Variants in PCDH7 observed in about 807,000 individuals in gnomAD.
PCDH7 encodes the protein protocadherin 7, also known as protocadherin-7.
PCDH7 carries 17 observed loss-of-function variants against 58.9 expected under a neutral mutation model. The ratio of observed to expected loss-of-function variants is 0.29; its 90% CI spans 0.20 to 0.43. The LOEUF (loss-of-function observed/expected upper bound fraction) is 0.43. Ranked by LOEUF, PCDH7 falls within the 20% of genes least tolerant of loss-of-function variation. The pLI, the probability that PCDH7 is intolerant of heterozygous loss-of-function variation, is 1.00. For missense variants in PCDH7, 1,274 were observed against 1,441.0 expected (o/e 0.88, Z 1.88); for synonymous variants, 664 against 616.4 (o/e 1.08, Z -1.14).
chr4:31,042,972 T>A (rs1756005494), intron 3 of PCDH7, among the ~76,000 whole-genome samples: 1 of 152,116 alleles, frequency 6.6e-6, no homozygotes, highest in Non-Finnish European at 1.5e-5. Context: ...TATCACATTC[T>A]GAGGGGCTCA....
At chr4:30,741,486 A>G (rs1717071382) in intron 1 of PCDH7, among the ~76,000 whole-genome samples, 1 of 152,104 alleles carries the variant, frequency 6.6e-6, no homozygotes, top group Non-Finnish European at 1.5e-5. Context: ...GAGCCACTTC[A>G]CCTGGCCAAC....
intron 1 of PCDH7, among the ~76,000 whole-genome samples, chr4:30,894,512 TATATACACACACACACACACAC>T (rs1211434861): frequency 9.9e-5 from 5 of 50,336 alleles, no homozygotes; most frequent in African/African-American, 6.1e-4. Context: ...TATATATATA[TATATACACACACACACACACAC>T]ACACACACAC....
intron 1 of PCDH7, among the ~76,000 whole-genome samples, chr4:30,874,287 A>G (rs575601349): frequency 6.6e-6 from 1 of 152,168 alleles, no homozygotes; most frequent in African/African-American, 2.4e-5. Context: ...AAAGACTTGG[A>G]ACCAACCCAA....
chr4:31,045,604 T>A (rs1423724880), intron 3 of PCDH7, among the ~76,000 whole-genome samples: 2 of 152,034 alleles, frequency 1.3e-5, no homozygotes, highest in African/African-American at 4.8e-5. Flanking sequence ...CAGTTTGGGA[T>A]GGCTACTTGT....
chr4:30,806,429 C>T (rs911990581), intron 1 of PCDH7, among the ~76,000 whole-genome samples: 8 of 152,110 alleles, frequency 5.3e-5, no homozygotes, highest in Admixed American at 2.6e-4. Context: ...CTCAGCCTCC[C>T]GAGCAGCTGG....
intron 3 of PCDH7, among the ~76,000 whole-genome samples, chr4:31,006,131 G>A (rs1752751239): frequency 6.6e-6 from 1 of 152,168 alleles, no homozygotes; most frequent in Non-Finnish European, 1.5e-5. Flanking sequence ...CATGTTTTTA[G>A]AGCCATTAAA....
chr4:30,875,001 A>G (rs1409660823), intron 1 of PCDH7, among the ~76,000 whole-genome samples: 3 of 152,018 alleles, frequency 2.0e-5, no homozygotes, highest in African/African-American at 7.2e-5. Flanking sequence ...TTATTGTTAC[A>G]GTCCTTATTT....
intron 1 of PCDH7, among the ~76,000 whole-genome samples, chr4:30,908,625 A>G (rs1426423620): frequency 1.3e-5 from 2 of 152,184 alleles, no homozygotes; most frequent in East Asian, 3.8e-4. Flanking sequence ...CAAGTTCTGA[A>G]ATTGAGGCAG....
chr4:31,052,174 G>C (rs570548117), intron 3 of PCDH7, among the ~76,000 whole-genome samples: 1 of 152,126 alleles, frequency 6.6e-6, no homozygotes, highest in South Asian at 2.1e-4. Context: ...TGATGTTGGA[G>C]GAAATGATTT....
chr4:30,745,040 A>G (rs1323290225), intron 1 of PCDH7, among the ~76,000 whole-genome samples: 1 of 152,144 alleles, frequency 6.6e-6, no homozygotes, highest in Non-Finnish European at 1.5e-5. Context: ...CATCGAGGAG[A>G]TTGAAAATAG....
chr4:31,095,554 T>A (rs1265396660), intron 3 of PCDH7, among the ~76,000 whole-genome samples: 29 of 152,112 alleles, frequency 1.9e-4, no homozygotes, highest in Non-Finnish European at 1.5e-5. Flanking sequence ...GTATAAAAAA[T>A]TCATTTTTAT....
chr4:30,894,016 A>G (rs954283835), intron 1 of PCDH7, among the ~76,000 whole-genome samples: 2 of 152,146 alleles, frequency 1.3e-5, no homozygotes, highest in African/African-American at 4.8e-5. Context: ...CAGATACTGG[A>G]GAACTGAATG....
chr4:30,733,366 A>C (rs1045287292), downstream of PCDH7, among the ~76,000 whole-genome samples: 1 of 118,646 alleles, frequency 8.4e-6, no homozygotes, highest in African/African-American at 2.7e-5. Context: ...GTACTAAAAG[A>C]ATAATAAGAT....
chr4:31,052,116 T>C (rs1181306072), intron 3 of PCDH7, among the ~76,000 whole-genome samples: 1 of 152,070 alleles, frequency 6.6e-6, no homozygotes, highest in Non-Finnish European at 1.5e-5. Context: ...CCTTTTTTTG[T>C]TGTCTGTTTT....
exon 2 of PCDH7, chr4:30,731,237 C>G: frequency 1.5e-6 from 1 of 686,444 alleles, no homozygotes; most frequent in South Asian, 6.5e-5. Context: ...GCCATGTAAT[C>G]ACAGGCCTGT....
rs140607329 is a variant in PCDH7, at chr4:30,810,704, C to T, written c.70+86108C>T. On this transcript the variant is annotated intron_variant, in intron 1 of 3. Transcript: ENST00000509759. ...TCTGCTCACTGCAACCTCTGCCTCC[C>T]GGTTCAAGCTATTCTCCCACCTCCG... is the stretch of plus-strand genomic sequence containing the variant. 8.4e-4 allele frequency among the ~76,000 whole-genome samples: 128 copies of T among 151,666 alleles called. 2 individuals carry two copies. The East Asian group carries it at 0.021, about 25-fold the overall frequency.
intron 1 of PCDH7, among the ~76,000 whole-genome samples, chr4:30,908,507 A>C (rs1040817329): frequency 5.3e-5 from 8 of 152,094 alleles, no homozygotes; most frequent in Non-Finnish European, 8.8e-5. Context: ...GTCACACAAC[A>C]AAGATTAAAT....
chr4:30,887,278 T>C (rs959393427), intron 1 of PCDH7, among the ~76,000 whole-genome samples: 3 of 152,188 alleles, frequency 2.0e-5, no homozygotes, highest in Non-Finnish European at 4.4e-5. Flanking sequence ...TTCTTTCAAC[T>C]TGAATTCTTA....
At chr4:31,139,491 A>G (rs989522637) in intron 3 of PCDH7, among the ~76,000 whole-genome samples, 2 of 152,224 alleles carry the variant, frequency 1.3e-5, no homozygotes, top group African/African-American at 4.8e-5. Flanking sequence ...CTATAATGCC[A>G]CAAAAAAATA....
Sources: gnomAD v4.1 joint callset for allele counts (sites outside exome capture counted in the v4.1 genomes callset) on GRCh38, gnomAD v4.1.1 for gene constraint, MANE v1.5 for transcripts, NCBI Gene and HGNC (gene_info 2026-07-23, HGNC 2026-07-21) for gene names.